Variants in KAT6A observed in about 807,000 individuals in gnomAD.
KAT6A encodes lysine acetyltransferase 6A, also known as histone acetyltransferase KAT6A.
Under a neutral mutation model 198.4 loss-of-function variants are expected in KAT6A, and 9 were observed. The observed-to-expected ratio is 0.05, with a 90% CI of 0.03 to 0.08. The LOEUF (loss-of-function observed/expected upper bound fraction) is 0.08. KAT6A is among the 10% of genes least tolerant of loss of function. The pLI is 1.00. For synonymous variants in KAT6A, 890 were observed against 883.0 expected, an observed-to-expected ratio of 1.01 and a Z score of -0.14; for missense variants, 2,077 against 2,509.9, an observed-to-expected ratio of 0.83 and a Z score of 3.69.
chr8:41,931,814 T>C lies in KAT6A; in HGVS notation c.*391A>G, dbSNP rs188367197. The C allele has an allele frequency of 1.3e-4, 28 of 215,652 alleles. No individual in the cohort carries two copies. The highest frequency in any genetic ancestry group is 1.8e-4 in the Non-Finnish European group (19 of 106,830). The allele number at this position is 215,652 out of a possible 1,614,324, so 13.4% of individuals were successfully genotyped here. On this transcript the variant is annotated 3_prime_UTR_variant, in exon 17 of 17. Coordinates refer to ENST00000265713, the MANE Select transcript of KAT6A (RefSeq NM_006766.5). The stretch of plus-strand genomic sequence containing the variant: ...TATATAACATTTAAAAATGACAACA[T>C]TGGGAGCTGCAAACAGTGAGGGGAA...
At chr8:42,008,344 T>C (rs1283758366) in intron 2 of KAT6A, among the ~76,000 whole-genome samples, 3 of 152,026 alleles carry the variant, frequency 2.0e-5, no homozygotes, top group African/African-American at 7.2e-5. Context: ...TTAAGTAATA[T>C]TTTCTTTTTT....
chr8:41,932,958 G>A lies in KAT6A; in HGVS notation c.5262C>T (p.Ala1754=), dbSNP rs1821630927. 1.9e-6 allele frequency: 3 copies of A among 1,614,172 alleles called. No homozygotes were observed. Among genetic ancestry groups the A allele is most frequent in the Non-Finnish European group, 2.5e-6 (3 of 1,180,020 alleles). ...TGGTGTTGGTCAGCTGCTGCAGCTT[G>A]GCTAGGCTGAAGGTGGCTGATGGTT... ...YSQPSATFSL[A]KLQQLTNTIM... Residue 1754 remains alanine, a synonymous_variant, in exon 17 of 17, where the codon GCC becomes GCT. Coordinates refer to ENST00000265713, the MANE Select transcript of KAT6A (RefSeq NM_006766.5).
rs1179791338 is a variant in KAT6A, at chr8:41,932,704, A to C, written c.5516T>G (p.Ile1839Ser). ...QCNMSATNIGIPHTQRLQGQM... is the reference protein window; with the variant it reads ...QCNMSATNIGSPHTQRLQGQM... ...CCCTTGCAATCTCTGCGTGTGAGGA[A>C]TGCCAATGTTGGTGGCAGACATGTT... Residue 1839 changes from isoleucine to serine, a missense_variant, in exon 17 of 17, where the codon ATT becomes AGT. This residue lies in a region of KAT6A where 500 missense variants were observed against 577.2 expected (regional missense o/e 0.87). Transcript: ENST00000265713. 6.2e-7 allele frequency: 1 copy of C among 1,614,224 alleles called. No homozygotes were observed. The highest frequency in any genetic ancestry group is 1.7e-5 in the Admixed American group (1 of 60,026).
intron 2 of KAT6A, among the ~76,000 whole-genome samples, chr8:42,046,260 G>A (rs950059237): frequency 1.3e-5 from 2 of 152,152 alleles, no homozygotes; most frequent in African/African-American, 4.8e-5. Context: ...AACAGGCCAG[G>A]CACGGTGGCT....
intron 3 of KAT6A, among the ~76,000 whole-genome samples, chr8:41,982,336 T>C (rs1281783483): frequency 6.6e-6 from 1 of 152,132 alleles, no homozygotes; most frequent in Non-Finnish European, 1.5e-5. Context: ...AAAAAAGCTG[T>C]TTACACTGAT....
intron 8 of KAT6A, among the ~76,000 whole-genome samples, chr8:41,968,273 T>C (rs1483547635): frequency 2.0e-5 from 3 of 151,728 alleles, no homozygotes; most frequent in Admixed American, 1.3e-4. Context: ...CAAACAAATT[T>C]ACAAGAAAAA....
chr8:41,959,180 A>AT lies in KAT6A; in HGVS notation c.1483-3770_1483-3769insA, dbSNP rs1281160673. Among the ~76,000 whole-genome samples, 80 of 142,602 alleles carry AT rather than the reference A, an allele frequency of 5.6e-4. 1 individual carries two copies. Among genetic ancestry groups the AT allele is most frequent in the East Asian group, 5.6e-3 (27 of 4,844 alleles). 93.6% of individuals were successfully genotyped at this position (142,602 alleles called of 152,430 possible). On this transcript the variant is annotated intron_variant, in intron 8 of 16. Coordinates refer to ENST00000265713, the MANE Select transcript of KAT6A (RefSeq NM_006766.5). ...TCTCGAAAAAAAAAAAAAAAAAAAA[A>AT]GTTGGAAAAGTTTCTTTCCATTCTC...
intron 7 of KAT6A, 131 bp downstream of exon 7, chr8:41,976,877 T>C (rs1048951458): frequency 3.9e-6 from 3 of 764,850 alleles, no homozygotes; most frequent in Non-Finnish European, 6.0e-6. Flanking sequence ...TACATGTTTT[T>C]TCAATGTGTT....
intron 2 of KAT6A, among the ~76,000 whole-genome samples, chr8:42,024,172 T>C (rs1356483049): frequency 6.6e-6 from 1 of 152,206 alleles, no homozygotes; most frequent in East Asian, 1.9e-4. Flanking sequence ...GTAGTATACA[T>C]AATAGTATGT....
intron 2 of KAT6A, among the ~76,000 whole-genome samples, chr8:42,041,511 C>T (rs1030327586): frequency 1.1e-4 from 17 of 152,028 alleles, no homozygotes; most frequent in Admixed American, 7.9e-4. Flanking sequence ...CGGAGGTGGG[C>T]GGATCACCTG....
At chr8:41,942,214 T>A (rs2150862368) in intron 14 of KAT6A, 1 of 216,686 alleles carries the variant, frequency 4.6e-6, no homozygotes, top group African/African-American at 2.3e-5. Flanking sequence ...GATCTGTGTG[T>A]CCACAGGATG....
intron 2 of KAT6A, among the ~76,000 whole-genome samples, chr8:41,988,459 C>T (rs1824739409): frequency 6.6e-6 from 1 of 152,112 alleles, no homozygotes; most frequent in Non-Finnish European, 1.5e-5. Context: ...TAAAATTGGA[C>T]TTTATCCTAT....
At chr8:41,958,047 C>T (rs1382682662) in intron 8 of KAT6A, 2 of 152,182 alleles carry the variant, frequency 1.3e-5, no homozygotes, top group East Asian at 1.9e-4. Context: ...GAGGGAGGTA[C>T]CCCTTTATTA....
intron 2 of KAT6A, 57 bp downstream of exon 2, chr8:42,048,321 A>T (rs1802417745): frequency 6.4e-7 from 1 of 1,557,408 alleles, no homozygotes; most frequent in South Asian, 1.2e-5. Flanking sequence ...AGAAATGTGA[A>T]TTTGTAGCAT....
At chr8:42,048,091 A>T (rs1167007628) in intron 2 of KAT6A, among the ~76,000 whole-genome samples, 1 of 152,072 alleles carries the variant, frequency 6.6e-6, no homozygotes, top group Non-Finnish European at 1.5e-5. Flanking sequence ...ATAAAAAAAA[A>T]TTTAAAAAAA....
At position 42,048,369 on chromosome 8, in the gene KAT6A, C is replaced by T. The variant is rs751722985; in HGVS notation, c.600+9G>A. 4 of 1,610,772 alleles carry T rather than the reference C, an allele frequency of 2.5e-6. No homozygotes were observed. Among genetic ancestry groups the T allele is most frequent in the Non-Finnish European group, 3.4e-6 (4 of 1,177,316 alleles). Reference sequence around the variant, plus strand: ...GCTCTATAAACCCCGAAGCATATGCCATTCTTACCTTATCCTTTTCATGTG... The same window carrying T: ...GCTCTATAAACCCCGAAGCATATGCTATTCTTACCTTATCCTTTTCATGTG... On this transcript the variant is annotated intron_variant, in intron 2 of 16. Coordinates refer to ENST00000265713, the MANE Select transcript of KAT6A (RefSeq NM_006766.5).
intron 15 of KAT6A, among the ~76,000 whole-genome samples, chr8:41,939,747 A>G (rs1433404293): frequency 1.3e-5 from 2 of 152,202 alleles, no homozygotes; most frequent in Non-Finnish European, 2.9e-5. Flanking sequence ...GCCAAGAGGA[A>G]CCTAAAGACA....
intron 8 of KAT6A, among the ~76,000 whole-genome samples, chr8:41,972,286 C>T (rs904230739): frequency 6.6e-6 from 1 of 152,004 alleles, no homozygotes; most frequent in African/African-American, 2.4e-5. Context: ...TGTTTGGCCA[C>T]CAACAAAGTA....
intron 6 of KAT6A, 74 bp downstream of exon 6, chr8:41,978,567 GA>G: frequency 6.8e-7 from 1 of 1,467,730 alleles, no homozygotes; most frequent in Non-Finnish European, 9.2e-7. Flanking sequence ...TTTTCATAGA[GA>G]AAACAAGTGA....
Sources: allele counts gnomAD v4.1 joint callset (sites outside exome capture counted in the v4.1 genomes callset), GRCh38; gene constraint gnomAD v4.1.1; regional missense constraint gnomAD v4.1.1; transcripts MANE v1.5; gene names NCBI Gene and HGNC (gene_info 2026-07-23, HGNC 2026-07-21).